The following ZSWIM5 variants were observed in gnomAD, a reference collection of about 807,000 sequenced individuals.
ZSWIM5 encodes the protein zinc finger SWIM-type containing 5, also known as zinc finger SWIM domain-containing protein 5.
In ZSWIM5, 55 loss-of-function variants were observed where a neutral mutation model predicts 119.6. The observed-to-expected ratio is 0.46, with a 90% confidence interval of 0.37 to 0.58. ZSWIM5 has a LOEUF of 0.58. Among genes scored for constraint, ZSWIM5 ranks in the 20% least tolerant of loss-of-function variants. The pLI is 0.00. For synonymous variants in ZSWIM5, 537 were observed against 606.9 expected, an observed-to-expected ratio of 0.88 and a Z score of 1.69; for missense variants, 1,193 against 1,512.8, an observed-to-expected ratio of 0.79 and a Z score of 3.51.
At chr1:45,079,733 C>T (rs187839697) in intron 2 of ZSWIM5, among the ~76,000 whole-genome samples, 1 of 152,302 alleles carries the variant, frequency 6.6e-6, no homozygotes, top group East Asian at 1.9e-4. Context: ...CTGAGACTCA[C>T]CTTAAGCCAG....
intron 3 of ZSWIM5, 55 bp downstream of exon 3, chr1:45,060,044 C>G: frequency 6.2e-7 from 1 of 1,600,666 alleles, no homozygotes; most frequent in Non-Finnish European, 8.5e-7. Context: ...TGTGCCCAGT[C>G]TGACTTAAGC....
chr1:45,094,395 C>T (rs143668351), intron 1 of ZSWIM5, among the ~76,000 whole-genome samples: 1 of 152,044 alleles, frequency 6.6e-6, no homozygotes, highest in Admixed American at 6.6e-5. Flanking sequence ...GATGGGATTT[C>T]ACCATGTTGC....
intron 1 of ZSWIM5, among the ~76,000 whole-genome samples, chr1:45,146,988 T>C (rs902329227): frequency 1.3e-5 from 2 of 152,170 alleles, no homozygotes; most frequent in East Asian, 1.9e-4. Flanking sequence ...AAATGCTCTA[T>C]GGTTTCCCCA....
intron 2 of ZSWIM5, among the ~76,000 whole-genome samples, chr1:45,076,002 A>C (rs1292323785): frequency 6.6e-6 from 1 of 151,938 alleles, no homozygotes; most frequent in East Asian, 1.9e-4. Context: ...AAAGAAACCT[A>C]ATAAAAACTC....
intron 11 of ZSWIM5, among the ~76,000 whole-genome samples, chr1:45,026,996 G>A (rs1400105691): frequency 1.3e-5 from 2 of 150,166 alleles, no homozygotes; most frequent in Admixed American, 6.7e-5. Flanking sequence ...TCAAATTGGT[G>A]GGCATAGAGT....
chr1:45,069,646 CA>C (rs949126145), intron 2 of ZSWIM5, among the ~76,000 whole-genome samples: 2 of 151,286 alleles, frequency 1.3e-5, no homozygotes, highest in African/African-American at 4.9e-5. Flanking sequence ...AAGTGGGTTG[CA>C]AAAAATAATC....
At chr1:45,090,545 G>A (rs374250768) in intron 1 of ZSWIM5, among the ~76,000 whole-genome samples, 59 of 152,064 alleles carry the variant, frequency 3.9e-4, no homozygotes, top group African/African-American at 1.4e-3. Context: ...GAGGCTAGGA[G>A]TTCAAGACCA....
chr1:45,070,447 C>G, intron 2 of ZSWIM5: 1 of 1,237,532 alleles, frequency 8.1e-7, no homozygotes, highest in East Asian at 2.4e-5. Context: ...GCAGCAAGGG[C>G]TGTTCTCCAT....
chr1:45,043,578 A>G (rs1049886552), intron 5 of ZSWIM5, among the ~76,000 whole-genome samples, 183 bp from the exon 6 acceptor site: 6 of 152,230 alleles, frequency 3.9e-5, no homozygotes, highest in Non-Finnish European at 8.8e-5. Context: ...CTCTCTGAGT[A>G]TCTGTTGTGT....
At chr1:45,070,752 A>G (rs564345130) in intron 2 of ZSWIM5, among the ~76,000 whole-genome samples, 1 of 152,204 alleles carries the variant, frequency 6.6e-6, no homozygotes, top group East Asian at 1.9e-4. Flanking sequence ...CTTCTTTGAT[A>G]ATAACTTGCT....
chr1:45,170,182 A>T (rs891103673), intron 1 of ZSWIM5, among the ~76,000 whole-genome samples: 1 of 152,018 alleles, frequency 6.6e-6, no homozygotes, highest in Admixed American at 6.6e-5. Flanking sequence ...TTTTTCTCTG[A>T]ATTTTTATAT....
At position 45,119,705 on chromosome 1, in the gene ZSWIM5, A is replaced by G. The variant is rs1645579778; in HGVS notation, c.596-31468T>C. ...TGTCTTAAATTTTGTCACACTAACT[A>G]TAAGTTACCCAACAGTAGGAGTTTT... On this transcript the variant is annotated intron_variant, in intron 1 of 13. Coordinates refer to ENST00000359600, the MANE Select transcript of ZSWIM5 (RefSeq NM_020883.2). 2.0e-5 allele frequency among the ~76,000 whole-genome samples: 3 copies of G among 152,196 alleles called. No individual in the cohort carries two copies. In the South Asian group the frequency reaches 6.2e-4, roughly 32 times the overall value.
Position 45,018,869 on chromosome 1 carries a change from A to G in ZSWIM5, c.3143T>C (p.Leu1048Pro), listed in dbSNP as rs1644870689. 1.9e-6 allele frequency: 3 copies of G among 1,614,218 alleles called. No homozygotes were observed. Among genetic ancestry groups the G allele is most frequent in the Non-Finnish European group, 2.5e-6 (3 of 1,180,014 alleles). ...CTCATTCTTGCCCAGAGAGTGGCTGAGAGCACAAGCCCAGAGCACATCATT... is the reference window on the plus strand; with the variant it reads ...CTCATTCTTGCCCAGAGAGTGGCTGGGAGCACAAGCCCAGAGCACATCATT... ...AINDVLWACA[L>P]SHSLGKNELA... The change falls in exon 14 of 14, where the codon CTC becomes CCC. Residue 1048 changes from leucine to proline, a missense_variant. Leu to Pro is a moderately conservative substitution (Grantham distance 98). Transcript: ENST00000359600. This position sits in a 1 kb window ranked among gnomAD's most constrained non-coding sequence, Gnocchi z 6.7.
At chr1:45,149,903 G>T (rs1645785795) in intron 1 of ZSWIM5, among the ~76,000 whole-genome samples, 1 of 152,046 alleles carries the variant, frequency 6.6e-6, no homozygotes, top group African/African-American at 2.4e-5. Flanking sequence ...GGGCATGGTG[G>T]CTCACACCTA....
intron 1 of ZSWIM5, among the ~76,000 whole-genome samples, chr1:45,117,182 TA>T (rs934245186): frequency 2.6e-5 from 4 of 152,190 alleles, no homozygotes; most frequent in Admixed American, 2.6e-4. Flanking sequence ...GAGCAAGGTA[TA>T]AAACAGTGGA....
chr1:45,087,451 A>T (rs1469401791), intron 2 of ZSWIM5, among the ~76,000 whole-genome samples: 2 of 152,224 alleles, frequency 1.3e-5, no homozygotes, highest in Admixed American at 1.3e-4. Context: ...ATGCTAACAC[A>T]TGCTCCTTAG....
At chr1:45,089,051 C>T (rs1363943136) in intron 1 of ZSWIM5, among the ~76,000 whole-genome samples, 2 of 152,126 alleles carry the variant, frequency 1.3e-5, no homozygotes, top group Non-Finnish European at 2.9e-5. Flanking sequence ...CCTCTGTCTC[C>T]TGGGCTCAAG....
intron 1 of ZSWIM5, among the ~76,000 whole-genome samples, chr1:45,165,940 A>T (rs1293656519): frequency 6.6e-6 from 1 of 152,124 alleles, no homozygotes; most frequent in African/African-American, 2.4e-5. Flanking sequence ...CAATAGAAAA[A>T]GAGGGAATCC....
At position 45,018,497 on chromosome 1, in the gene ZSWIM5, C is replaced by A; in HGVS notation, c.3515G>T (p.Gly1172Val). The part of the protein sequence containing the change: ...FIDNLKQIYK[G>V]KKKLMLLVRE... ...CACCAGCAGCATCAACTTTTTCTTG[C>A]CTTTGTAGATCTGTTTGAGGTTGTC... The change falls in exon 14 of 14, where the codon GGC becomes GTC. Residue 1172 changes from glycine (G) to valine (V), a missense_variant. Coordinates refer to ENST00000359600, the MANE Select transcript of ZSWIM5 (RefSeq NM_020883.2). This position sits in a 1 kb window ranked among gnomAD's most constrained non-coding sequence, Gnocchi z 6.7. 6.2e-7 allele frequency: 1 copy of A among 1,614,172 alleles called. No homozygotes were observed. Among genetic ancestry groups the A allele is most frequent in the Non-Finnish European group, 8.5e-7 (1 of 1,180,022 alleles).
Sources: gnomAD v4.1 joint callset for allele counts (sites outside exome capture counted in the v4.1 genomes callset) on GRCh38, gnomAD v4.1.1 for gene constraint, Gnocchi (gnomAD v3.1) non-coding constraint, MANE v1.5 for transcripts, NCBI Gene and HGNC (gene_info 2026-07-23, HGNC 2026-07-21) for gene names.